Variants in AR observed in about 807,000 individuals in gnomAD.
AR encodes the protein dihydrotestosterone receptor.
A neutral mutation model predicts 53.9 loss-of-function variants in AR; 8 were observed. The ratio of observed to expected loss-of-function variants is 0.15; its 90% CI spans 0.09 to 0.27. AR has a LOEUF of 0.27. Ranked by LOEUF, AR falls within the 10% of genes least tolerant of loss-of-function variation. The pLI, the probability that AR is intolerant of heterozygous loss-of-function variation, is 1.00. For missense variants in AR, 639 were observed against 742.5 expected (o/e 0.86, Z 1.62); for synonymous variants, 359 against 316.4 (o/e 1.13, Z -1.43).
chrX:67,551,687 T>C (rs1930004054), intron 1 of AR, among the ~76,000 whole-genome samples: 1 of 112,077 alleles, frequency 8.9e-6, no homozygotes, highest in Admixed American at 9.4e-5. Context: ...TTCTATGATA[T>C]TTGTTTACCA....
intron 1 of AR, among the ~76,000 whole-genome samples, chrX:67,627,151 T>A (rs1389438139): frequency 9.0e-6 from 1 of 111,162 alleles, no homozygotes; most frequent in African/African-American, 3.3e-5. Context: ...TACCCAGTAA[T>A]GGGATGGCTG....
chrX:67,609,119 A>C (rs1923763385), intron 1 of AR, among the ~76,000 whole-genome samples: 1 of 111,472 alleles, frequency 9.0e-6, no homozygotes, highest in African/African-American at 3.3e-5. Context: ...TAAATGTGCC[A>C]GACTGTACTA....
chrX:67,685,640 C>A (rs920830031), intron 2 of AR, among the ~76,000 whole-genome samples: 1 of 111,688 alleles, frequency 9.0e-6, no homozygotes, highest in Non-Finnish European at 1.9e-5. Flanking sequence ...GTTCAAATCT[C>A]TTCTACGCCA....
At chrX:67,701,462 T>G (rs2076041791) in intron 3 of AR, among the ~76,000 whole-genome samples, 1 of 111,850 alleles carries the variant, frequency 8.9e-6, no homozygotes, top group Non-Finnish European at 1.9e-5. Context: ...CCTCCCCATC[T>G]TTGACTTGAA....
At chrX:67,661,473 A>G (rs1393872040) in intron 2 of AR, among the ~76,000 whole-genome samples, 8 of 111,517 alleles carry the variant, frequency 7.2e-5, no homozygotes, top group Non-Finnish European at 1.1e-4. Context: ...TGAGATAATC[A>G]TGTGGTTTTT....
At chrX:67,717,402 T>C (rs2076117758) in intron 4 of AR, 76 bp from the exon 5 acceptor site, 2 of 1,172,361 alleles carry the variant, frequency 1.7e-6, no homozygotes, top group Middle Eastern at 3.2e-4. Flanking sequence ...AGAGCATCTC[T>C]GCCCAACAGG....
At chrX:67,587,797 C>A (rs1252388698) in intron 1 of AR, among the ~76,000 whole-genome samples, 1 of 110,706 alleles carries the variant, frequency 9.0e-6, no homozygotes, top group African/African-American at 3.3e-5. Context: ...TTTAAAATGC[C>A]ATCTTGCCTG....
chrX:67,658,246 T>G (rs1926682222), intron 2 of AR, among the ~76,000 whole-genome samples: 1 of 111,734 alleles, frequency 8.9e-6, no homozygotes, highest in Admixed American at 9.5e-5. Context: ...TTATGTAGAA[T>G]AGGAAGGCTT....
intron 3 of AR, among the ~76,000 whole-genome samples, chrX:67,701,792 G>A (rs1373537895): frequency 9.0e-6 from 1 of 111,638 alleles, no homozygotes. Flanking sequence ...AATTTCTAAG[G>A]ACCCTTCCTG....
chrX:67,710,222 G>A (rs979853290), intron 3 of AR, among the ~76,000 whole-genome samples: 7 of 111,757 alleles, frequency 6.3e-5, no homozygotes, highest in Admixed American at 9.5e-5. Context: ...CCTAGCAATC[G>A]GCTAGACATG....
At chrX:67,650,414 A>G (rs1021972211) in intron 2 of AR, among the ~76,000 whole-genome samples, 1 of 111,474 alleles carries the variant, frequency 9.0e-6, no homozygotes. Flanking sequence ...TGACTATCAA[A>G]CTCTGGTAGT....
intron 1 of AR, among the ~76,000 whole-genome samples, chrX:67,611,589 G>T (rs1923883265): frequency 9.0e-6 from 1 of 110,761 alleles, no homozygotes; most frequent in Admixed American, 9.6e-5. Context: ...TTTTTCTTAT[G>T]ACTTTAGAGT....
chrX:67,655,868 T>A (rs1384669477), intron 2 of AR, among the ~76,000 whole-genome samples: 1 of 112,403 alleles, frequency 8.9e-6, no homozygotes, highest in Non-Finnish European at 1.9e-5. Context: ...GAGAAATCAG[T>A]CCCTCATCAA....
At chrX:67,671,715 A>G (rs2075866611) in intron 2 of AR, among the ~76,000 whole-genome samples, 1 of 111,906 alleles carries the variant, frequency 8.9e-6, no homozygotes, top group African/African-American at 3.2e-5. Context: ...TTTCTTCTAC[A>G]GTTTTTATGG....
chrX:67,653,465 A>T (rs1252496050), intron 2 of AR, among the ~76,000 whole-genome samples: 1 of 111,600 alleles, frequency 9.0e-6, no homozygotes, highest in African/African-American at 3.3e-5. Flanking sequence ...GTCTTGAGGG[A>T]TGGATAAGAG....
chrX:67,642,613 G>A (rs972690118), intron 1 of AR, among the ~76,000 whole-genome samples: 2 of 111,261 alleles, frequency 1.8e-5, no homozygotes, highest in Non-Finnish European at 3.8e-5. Context: ...GGATGTCCAT[G>A]TGATCTATAG....
At chrX:67,556,995 A>C (rs776485413) in intron 1 of AR, among the ~76,000 whole-genome samples, 1 of 111,494 alleles carries the variant, frequency 9.0e-6, no homozygotes, top group African/African-American at 3.3e-5. Context: ...TTTACTCCTA[A>C]GCAGGTTGTA....
At chrX:67,680,839 G>A in intron 2 of AR, 1 of 320,794 alleles carries the variant, frequency 3.1e-6, no homozygotes, top group Non-Finnish European at 6.1e-6. Flanking sequence ...ATCCTACAGA[G>A]AAACAAACTT....
chrX:67,545,584 G>A lies in AR; in HGVS notation c.438G>A (p.Pro146=). 2 of 1,185,061 alleles carry A rather than the reference G, an allele frequency of 1.7e-6. No individual in the cohort carries two copies. The highest frequency in any genetic ancestry group is 1.9e-5 in the South Asian group (1 of 53,935). Residue 146 remains proline (P), a synonymous_variant, in exon 1 of 8, where the codon CCG becomes CCA. Transcript: ENST00000374690. ...CCGTGGCCGCCAGCAAGGGGCTGCC[G>A]CAGCAGCTGCCAGCACCTCCGGACG... is the stretch of plus-strand genomic sequence containing the variant. ...GAAVAASKGL[P]QQLPAPPDED...
Sources: allele counts gnomAD v4.1 joint callset (sites outside exome capture counted in the v4.1 genomes callset), GRCh38; gene constraint gnomAD v4.1.1; transcripts MANE v1.5; gene names NCBI Gene and HGNC (gene_info 2026-07-23, HGNC 2026-07-21).